AFF2: variants seen among roughly 807,000 people sequenced by gnomAD.
AFF2 encodes the protein ALF transcription elongation factor 2.
A neutral mutation model predicts 76.9 loss-of-function variants in AFF2; 14 were observed. The ratio of observed to expected loss-of-function variants is 0.18; its 90% CI spans 0.12 to 0.28. AFF2 has a LOEUF of 0.28. Ranked by LOEUF, AFF2 falls within the 10% of genes least tolerant of loss-of-function variation. AFF2 has a pLI of 1.00. For missense variants in AFF2, 868 were observed against 1,001.1 expected (o/e 0.87, Z 1.79); for synonymous variants, 398 against 366.7 (o/e 1.09, Z -0.98).
chrX:148,738,507 C>G (rs113596270), intron 3 of AFF2, among the ~76,000 whole-genome samples: 4,684 of 111,637 alleles, frequency 0.042, 118 homozygotes, highest in African/African-American at 0.078. Flanking sequence ...GATTTTCTCT[C>G]TTCTTTTCTT....
chrX:148,632,692 G>A (rs2053992060), intron 1 of AFF2, among the ~76,000 whole-genome samples: 1 of 112,104 alleles, frequency 8.9e-6, no homozygotes, highest in African/African-American at 3.2e-5. Flanking sequence ...CAGCCTGCCA[G>A]GAGCCAGGCT....
chrX:148,907,619 G>A (rs2071422245), intron 9 of AFF2, among the ~76,000 whole-genome samples: 1 of 111,521 alleles, frequency 9.0e-6, no homozygotes, highest in African/African-American at 3.3e-5. Flanking sequence ...GGGAGTGTAC[G>A]AATAGAGTGT....
At chrX:148,869,462 G>T (rs1401541114) in intron 7 of AFF2, among the ~76,000 whole-genome samples, 1 of 112,578 alleles carries the variant, frequency 8.9e-6, no homozygotes, top group Non-Finnish European at 1.9e-5. Context: ...TAAACCAGTA[G>T]GAGGGACATG....
intron 3 of AFF2, among the ~76,000 whole-genome samples, chrX:148,764,490 A>G (rs917830236): frequency 8.9e-6 from 1 of 112,399 alleles, no homozygotes; most frequent in Admixed American, 9.4e-5. Context: ...TGTTTGTTCA[A>G]GATACAACTT....
intron 1 of AFF2, among the ~76,000 whole-genome samples, chrX:148,505,066 C>T (rs1557232345): frequency 2.7e-5 from 3 of 111,720 alleles, no homozygotes; most frequent in Admixed American, 9.4e-5. Flanking sequence ...TTATCTTTCC[C>T]GTTTTCCCTC....
intron 8 of AFF2, among the ~76,000 whole-genome samples, chrX:148,888,206 C>T (rs1437210968): frequency 3.6e-5 from 4 of 110,851 alleles, no homozygotes; most frequent in African/African-American, 3.3e-5. Context: ...CCCCTAACCC[C>T]GACAACTGCT....
chrX:148,761,155 C>T (rs1557267232), intron 3 of AFF2, among the ~76,000 whole-genome samples: 1 of 111,870 alleles, frequency 8.9e-6, no homozygotes, highest in East Asian at 2.8e-4. Flanking sequence ...TAACATTGAT[C>T]CTGTGTTTCA....
chrX:148,644,377 A>T (rs1235637365), intron 1 of AFF2, among the ~76,000 whole-genome samples: 4 of 111,133 alleles, frequency 3.6e-5, no homozygotes, highest in Non-Finnish European at 7.5e-5. Context: ...CCACTGACTA[A>T]TTGTGTGGTG....
At chrX:148,611,861 T>C (rs1183028992) in intron 1 of AFF2, among the ~76,000 whole-genome samples, 5 of 111,848 alleles carry the variant, frequency 4.5e-5, no homozygotes, top group Non-Finnish European at 7.5e-5. Context: ...ATGGGTCTTA[T>C]TTTTCCAAAT....
intron 1 of AFF2, among the ~76,000 whole-genome samples, chrX:148,585,562 G>A (rs189882914): frequency 1.6e-3 from 173 of 111,391 alleles, no homozygotes; most frequent in Middle Eastern, 0.014. Flanking sequence ...TGAGTAGGCC[G>A]GGCGCGGTGG....
intron 5 of AFF2, 96 bp from the exon 6 acceptor site, chrX:148,842,870 C>T: frequency 7.2e-6 from 5 of 690,617 alleles, no homozygotes; most frequent in Non-Finnish European, 1.0e-5. Context: ...TATTTGCAAA[C>T]ATTAGTCAAC....
At chrX:148,707,525 G>A (rs1363928916) in intron 3 of AFF2, among the ~76,000 whole-genome samples, 1 of 109,235 alleles carries the variant, frequency 9.2e-6, no homozygotes, top group Non-Finnish European at 1.9e-5. Flanking sequence ...GTCATTTGGG[G>A]GAAGGAAGGT....
chrX:148,870,921 G>A (rs1027795881), intron 7 of AFF2, among the ~76,000 whole-genome samples: 2 of 111,378 alleles, frequency 1.8e-5, no homozygotes, highest in African/African-American at 6.5e-5. Flanking sequence ...TTTTCCTTTA[G>A]CCAGGTCTGG....
At chrX:148,656,014 A>G (rs898733463) in intron 2 of AFF2, among the ~76,000 whole-genome samples, 1 of 112,208 alleles carries the variant, frequency 8.9e-6, no homozygotes, top group Non-Finnish European at 1.9e-5. Flanking sequence ...CAATAGCGCC[A>G]GTGGTTCATA....
At chrX:148,629,830 G>A (rs1408477212) in intron 1 of AFF2, among the ~76,000 whole-genome samples, 1 of 111,651 alleles carries the variant, frequency 9.0e-6, no homozygotes, top group African/African-American at 3.3e-5. Flanking sequence ...AGTGGGCCAA[G>A]TAAAGCTTGC....
At chrX:148,524,716 A>G (rs1557234978) in intron 1 of AFF2, among the ~76,000 whole-genome samples, 1 of 112,357 alleles carries the variant, frequency 8.9e-6, no homozygotes, top group Admixed American at 9.5e-5. Flanking sequence ...AGGTGTAAAG[A>G]GCACTTTTCC....
intron 3 of AFF2, among the ~76,000 whole-genome samples, chrX:148,714,804 C>T (rs1288734568): frequency 9.0e-6 from 1 of 111,561 alleles, no homozygotes; most frequent in African/African-American, 3.3e-5. Flanking sequence ...CATCATAGTG[C>T]TGGACACAGA....
At position 148,744,670 on chromosome X, in the gene AFF2, A is replaced by T. The variant is rs782685995; in HGVS notation, c.1042-65206A>T. On this transcript the variant is annotated intron_variant, in intron 3 of 20. Transcript: ENST00000370460. Reference sequence around the variant, plus strand: ...ATTCATCCATCATTGGTGACAGTCCAAAATGGAAAGATGACACATGCCAGC... The same window carrying T: ...ATTCATCCATCATTGGTGACAGTCCTAAATGGAAAGATGACACATGCCAGC... Among the ~76,000 whole-genome samples, 3 of 112,148 alleles carry T rather than the reference A, an allele frequency of 2.7e-5. No individual in the cohort carries two copies. In the East Asian group the frequency reaches 8.5e-4, roughly 32 times the overall value.
chrX:148,850,956 A>G (rs2070725074), intron 7 of AFF2, among the ~76,000 whole-genome samples: 1 of 112,468 alleles, frequency 8.9e-6, no homozygotes, highest in South Asian at 3.7e-4. Flanking sequence ...TGAAGAACAT[A>G]TAACAGCAGT....
Sources: allele counts gnomAD v4.1 joint callset (sites outside exome capture counted in the v4.1 genomes callset), GRCh38; gene constraint gnomAD v4.1.1; transcripts MANE v1.5; gene names NCBI Gene and HGNC (gene_info 2026-07-23, HGNC 2026-07-21).